ANKMY1: variants seen among roughly 807,000 people sequenced by gnomAD.
ANKMY1 encodes ankyrin repeat and MYND domain containing 1.
Under a neutral mutation model 102.0 loss-of-function variants are expected in ANKMY1, and 98 were observed. The observed-to-expected ratio is 0.96, with a 90% CI of 0.82 to 1.14. The LOEUF (loss-of-function observed/expected upper bound fraction) is 1.14, where lower values mean the gene tolerates loss of function less well. Among genes scored for constraint, ANKMY1 ranks in the 50% most tolerant of loss-of-function variants. The probability of loss-of-function intolerance (pLI) is 0.00; values close to 1 mark genes in which losing one functional copy is unlikely to be tolerated. For missense variants in ANKMY1, 1,330 were observed against 1,347.6 expected (o/e 0.99, Z 0.20); for synonymous variants, 582 against 559.9 (o/e 1.04, Z -0.56).
chr2:240,528,281 G>C (rs1242631833), intron 5 of ANKMY1, among the ~76,000 whole-genome samples: 2 of 144,932 alleles, frequency 1.4e-5, no homozygotes, highest in Non-Finnish European at 3.1e-5. Flanking sequence ...GTGAGACTCT[G>C]TGCCTGCCCC....
chr2:240,498,769 C>T (rs1417736286), intron 15 of ANKMY1, among the ~76,000 whole-genome samples: 1 of 152,008 alleles, frequency 6.6e-6, no homozygotes, highest in African/African-American at 2.4e-5. Context: ...TAGCTTAGTG[C>T]CATCCCCTTG....
At chr2:240,528,300 C>T (rs1033773180) in intron 5 of ANKMY1, among the ~76,000 whole-genome samples, 1 of 138,390 alleles carries the variant, frequency 7.2e-6, no homozygotes, top group African/African-American at 2.6e-5. Context: ...CCCACCCCCC[C>T]CCCAAAAAAA....
chr2:240,554,843 G>A (rs763818600), intron 3 of ANKMY1, 23 bp downstream of exon 3: 31 of 1,612,996 alleles, frequency 1.9e-5, no homozygotes, highest in Middle Eastern at 1.6e-4. Context: ...GGGAGGAGGC[G>A]GAGAAAGTGT....
At chr2:240,494,934 T>C (rs1187039888) in intron 15 of ANKMY1, among the ~76,000 whole-genome samples, 1 of 152,176 alleles carries the variant, frequency 6.6e-6, no homozygotes, top group Non-Finnish European at 1.5e-5. Context: ...ATCATAGATA[T>C]GATTATATAT....
At position 240,557,251 on chromosome 2, in the gene ANKMY1, C is replaced by G. The variant is rs1302893535; in HGVS notation, c.85G>C (p.Gly29Arg). Residue 29 changes from glycine to arginine, a missense_variant, in exon 2 of 18, where the codon GGC (glycine) becomes CGC (arginine). By Grantham distance (125) the Gly-to-Arg change is moderately radical. Transcript: ENST00000401804. ...GGCTCCTCGGCAGCAGGGGTCTCGC[C>G]GCCCTTCCCCTCTAGCGGGCGTTGG... Reference protein sequence around the residue: ...SRQRPLEGKGGETPAAEEPGS... With the variant: ...SRQRPLEGKGRETPAAEEPGS... 6.9e-6 allele frequency: 11 copies of G among 1,594,846 alleles called. No homozygotes were observed. The highest frequency in any genetic ancestry group is 3.3e-4 in the Middle Eastern group (2 of 6,008).
At chr2:240,559,613 C>T (rs2092767995), upstream of ANKMY1, among the ~76,000 whole-genome samples, 2 of 152,216 alleles carry the variant, frequency 1.3e-5, no homozygotes, top group Non-Finnish European at 2.9e-5. Context: ...GGGAATTCCA[C>T]TCCTCCATCC....
intron 2 of ANKMY1, 89 bp downstream of exon 2, chr2:240,557,101 G>A: frequency 7.5e-7 from 1 of 1,338,454 alleles, no homozygotes; most frequent in Non-Finnish European, 9.8e-7. Flanking sequence ...CACAGTTCAG[G>A]GATTTTTACT....
upstream of ANKMY1, chr2:240,560,914 A>T: frequency 6.5e-7 from 1 of 1,534,804 alleles, no homozygotes; most frequent in Non-Finnish European, 8.7e-7. Flanking sequence ...CCGGCTGAGG[A>T]CCTGCTGGCG....
chr2:240,470,798 G>A, the ANKMY1 span, among the ~76,000 whole-genome samples: 6 of 152,316 alleles, frequency 3.9e-5, no homozygotes, highest in Admixed American at 3.3e-4. Context: ...TCACAGACAC[G>A]TTGAAATTCT....
At chr2:240,530,795 G>T (rs987208303) in intron 4 of ANKMY1, among the ~76,000 whole-genome samples, 2 of 152,066 alleles carry the variant, frequency 1.3e-5, no homozygotes, top group African/African-American at 4.8e-5. Flanking sequence ...ACACCTGTAA[G>T]CCCAGCTACT....
At chr2:240,510,925 A>T (rs1422696668) in intron 11 of ANKMY1, among the ~76,000 whole-genome samples, 8 of 131,754 alleles carry the variant, frequency 6.1e-5, no homozygotes, top group East Asian at 4.4e-4. Flanking sequence ...TCACGGTGGG[A>T]GCCTTGACCA....
At chr2:240,555,975 C>T (rs530376737) in intron 2 of ANKMY1, among the ~76,000 whole-genome samples, 2 of 152,324 alleles carry the variant, frequency 1.3e-5, no homozygotes, top group Admixed American at 6.5e-5. Context: ...GCAGGGCGGC[C>T]GTCCCTGGCC....
At chr2:240,488,778 T>C (rs1269623457) in intron 15 of ANKMY1, among the ~76,000 whole-genome samples, 1 of 152,256 alleles carries the variant, frequency 6.6e-6, no homozygotes, top group African/African-American at 2.4e-5. Context: ...GTCATTATTG[T>C]TGTATATAAA....
chr2:240,474,328 A>G, the ANKMY1 span, among the ~76,000 whole-genome samples: 5 of 144,162 alleles, frequency 3.5e-5, no homozygotes, highest in Admixed American at 1.4e-4. Flanking sequence ...AGGATGGTCT[A>G]AATCTCCTGA....
At chr2:240,547,315 G>A (rs552854283) in intron 4 of ANKMY1, among the ~76,000 whole-genome samples, 53 of 152,150 alleles carry the variant, frequency 3.5e-4, no homozygotes, top group African/African-American at 1.3e-3. Flanking sequence ...TGAAACCAAC[G>A]AGAACAAAGA....
chr2:240,527,793 C>CGTTGGT (rs2084184533), intron 5 of ANKMY1: 1 of 4,830 alleles, frequency 2.1e-4, no homozygotes, highest in African/African-American at 7.4e-4. Flanking sequence ...GAACAGATGC[C>CGTTGGT]TGAAAGAATG....
intron 2 of ANKMY1, 21 bp from the exon 3 acceptor site, chr2:240,555,076 G>A (rs751896451): frequency 3.7e-6 from 6 of 1,612,124 alleles, no homozygotes; most frequent in Non-Finnish European, 4.2e-6. Context: ...AGGAGCAGAA[G>A]GAGGGAAGAG....
At chr2:240,544,672 C>T (rs531199019) in intron 4 of ANKMY1, among the ~76,000 whole-genome samples, 13 of 151,668 alleles carry the variant, frequency 8.6e-5, no homozygotes, top group Admixed American at 3.3e-4. Flanking sequence ...AAGCCGAAGC[C>T]GGGCGAGGCA....
chr2:240,480,775 C>T (rs567456106), intron 17 of ANKMY1, among the ~76,000 whole-genome samples, 162 bp downstream of exon 17: 43 of 152,306 alleles, frequency 2.8e-4, no homozygotes, highest in Non-Finnish European at 4.1e-4. Context: ...TCAGTGGCCC[C>T]GATGCCCACC....
Sources: allele counts gnomAD v4.1 joint callset (sites outside exome capture counted in the v4.1 genomes callset), GRCh38; gene constraint gnomAD v4.1.1; transcripts MANE v1.5; gene names NCBI Gene and HGNC (gene_info 2026-07-23, HGNC 2026-07-21).